ZBTB10: variants seen among roughly 807,000 people sequenced by gnomAD.
ZBTB10 encodes zinc finger and BTB domain containing 10.
A neutral mutation model predicts 76.4 loss-of-function variants in ZBTB10; 32 were observed. That is an observed-to-expected ratio of 0.42 (90% CI 0.32 to 0.56). The LOEUF is 0.56. Among genes scored for constraint, ZBTB10 ranks in the 20% least tolerant of loss-of-function variants. The pLI, the probability that ZBTB10 is intolerant of heterozygous loss-of-function variation, is 0.14. For synonymous variants in ZBTB10, 523 were observed against 432.9 expected (o/e 1.21, Z -2.58); for missense variants, 1,057 against 1,098.5 (o/e 0.96, Z 0.53).
At chr8:80,502,817 C>T (rs1447689651) in intron 2 of ZBTB10, among the ~76,000 whole-genome samples, 3 of 151,990 alleles carry the variant, frequency 2.0e-5, no homozygotes, top group Non-Finnish European at 2.9e-5. Context: ...TGAAAGCAGT[C>T]ATTTGTACTA....
intron 2 of ZBTB10, among the ~76,000 whole-genome samples, chr8:80,510,436 A>T (rs1454614014): frequency 6.6e-6 from 1 of 152,218 alleles, no homozygotes; most frequent in Admixed American, 6.5e-5. Flanking sequence ...ACTCATTGAT[A>T]AAAAGTTGAA....
chr8:80,513,872 G>T (rs1372466504), intron 2 of ZBTB10, 38 bp from the exon 3 acceptor site: 1 of 1,558,490 alleles, frequency 6.4e-7, no homozygotes, highest in South Asian at 1.1e-5. Context: ...TGGCTATGGT[G>T]TGGTTTGTAG....
At chr8:80,500,569 A>G (rs891925594) in intron 2 of ZBTB10, among the ~76,000 whole-genome samples, 187 bp downstream of exon 2, 1 of 152,156 alleles carries the variant, frequency 6.6e-6, no homozygotes, top group South Asian at 2.1e-4. Context: ...TTTTCAACAC[A>G]TATATATGTG....
chr8:80,506,265 A>G lies in ZBTB10; in HGVS notation c.1861+5883A>G, dbSNP rs533120312. On this transcript the variant is annotated intron_variant, in intron 2 of 5. Transcript: ENST00000455036. ...CATTTTGGCAACAAATCAGCTATTTATATTTTTTTACTTCCTTAAATGTGA... is the reference window on the plus strand; with the variant it reads ...CATTTTGGCAACAAATCAGCTATTTGTATTTTTTTACTTCCTTAAATGTGA... 2.0e-5 allele frequency among the ~76,000 whole-genome samples: 3 copies of G among 152,048 alleles called. No individual in the cohort carries two copies. The East Asian group carries it at 5.8e-4, about 29-fold the overall frequency.
At chr8:80,494,134 C>T (rs1160557489) in intron 1 of ZBTB10, among the ~76,000 whole-genome samples, 1 of 152,114 alleles carries the variant, frequency 6.6e-6, no homozygotes, top group Non-Finnish European at 1.5e-5. Context: ...TCAGTATATT[C>T]CAGTGGGTTG....
At position 80,512,758 on chromosome 8, in the gene ZBTB10, G is replaced by A. The variant is rs749622939; in HGVS notation, c.1862-1152G>A. On this transcript the variant is annotated intron_variant, in intron 2 of 5. Transcript: ENST00000455036. The stretch of plus-strand genomic sequence containing the variant: ...TTCTTAAAAAAGAAAAAAATCAGTC[G>A]TTACCCTATTTCTCACACTTCCCTT... 8.4e-4 allele frequency among the ~76,000 whole-genome samples: 127 copies of A among 152,054 alleles called. 2 individuals carry two copies. The highest frequency in any genetic ancestry group is 2.0e-3 in the Admixed American group (31 of 15,262).
At chr8:80,499,034 C>T (rs111755613) in intron 1 of ZBTB10, among the ~76,000 whole-genome samples, 3,340 of 152,216 alleles carry the variant, frequency 0.022, 123 homozygotes, top group African/African-American at 0.076. Flanking sequence ...TTAAAATTTA[C>T]CTTTTTATTA....
At chr8:80,485,792 G>A (rs1815429127), upstream of ZBTB10, 3 of 1,535,078 alleles carry the variant, frequency 2.0e-6, no homozygotes, top group South Asian at 2.4e-5. Context: ...AAATGACAAG[G>A]CTGGAGCGCA....
Position 80,503,918 on chromosome 8 carries a change from A to G in ZBTB10, c.1861+3536A>G, listed in dbSNP as rs943175961. Among the ~76,000 whole-genome samples, 123 of 152,196 alleles carry G rather than the reference A, an allele frequency of 8.1e-4. 2 individuals are homozygous for G. Among genetic ancestry groups the G allele is most frequent in the Non-Finnish European group, 1.9e-4 (13 of 68,034 alleles). ...TTAAAGAGTCCTGTTTTTGTAGGCT[A>G]TGTGCTCTTCTGCCCATCTTGTGAT... On this transcript the variant is annotated intron_variant, in intron 2 of 5. Coordinates refer to ENST00000455036, the MANE Select transcript of ZBTB10 (RefSeq NM_001105539.3).
chr8:80,492,463 A>C (rs1815655530), intron 1 of ZBTB10, among the ~76,000 whole-genome samples: 1 of 152,114 alleles, frequency 6.6e-6, no homozygotes, highest in African/African-American at 2.4e-5. Context: ...GTAGCAGTAT[A>C]TAATCAGGGT....
intron 1 of ZBTB10, among the ~76,000 whole-genome samples, chr8:80,493,204 C>CGT (rs1554551250): frequency 2.5e-4 from 29 of 115,848 alleles, no homozygotes; most frequent in African/African-American, 9.5e-4. Flanking sequence ...CGCGCGCGCG[C>CGT]GCGCACACAC....
chr8:80,513,244 C>T (rs909909941), intron 2 of ZBTB10, among the ~76,000 whole-genome samples: 1 of 152,060 alleles, frequency 6.6e-6, no homozygotes, highest in African/African-American at 2.4e-5. Context: ...CGGACTCAGG[C>T]GGATCCTCCC....
intron 2 of ZBTB10, among the ~76,000 whole-genome samples, chr8:80,511,819 G>A (rs554082956): frequency 6.6e-6 from 1 of 152,206 alleles, no homozygotes; most frequent in East Asian, 1.9e-4. Context: ...AAGTTGCAAA[G>A]GGCAAGACTA....
At position 80,518,770 on chromosome 8, in the gene ZBTB10, T is replaced by A. The variant is rs749830688; in HGVS notation, c.2138-12T>A. 2 of 1,592,874 alleles carry A rather than the reference T, an allele frequency of 1.3e-6. No homozygotes were observed. Among genetic ancestry groups the A allele is most frequent in the South Asian group, 1.2e-5 (1 of 86,524 alleles). Reference sequence around the variant, plus strand: ...GTGTAATAAGCACTTTCTCTTTTTTTAATTCTCATAGGTGAATCATCTCTA... The same window carrying A: ...GTGTAATAAGCACTTTCTCTTTTTTAAATTCTCATAGGTGAATCATCTCTA... On this transcript the variant is annotated splice_polypyrimidine_tract_variant and intron_variant, in intron 4 of 5. Coordinates refer to ENST00000455036, the MANE Select transcript of ZBTB10 (RefSeq NM_001105539.3).
Position 80,514,880 on chromosome 8 carries a change from G to A in ZBTB10, c.1960+872G>A, listed in dbSNP as rs534309070. Among the ~76,000 whole-genome samples, 6 of 152,320 alleles carry A rather than the reference G, an allele frequency of 3.9e-5. No individual in the cohort carries two copies. In the South Asian group the frequency reaches 1.2e-3, roughly 32 times the overall value. ...GTATTCTTGAGAAACTGTTTAGCTT[G>A]TATCTAATGACAAAGGAAAACCCAG... On this transcript the variant is annotated intron_variant, in intron 3 of 5. Transcript: ENST00000455036.
In ZBTB10 at chr8:80,500,829, A is replaced by G. The variant is rs185398672; in HGVS notation, c.1861+447A>G. On this transcript the variant is annotated intron_variant, in intron 2 of 5. Transcript: ENST00000455036. ...TTTAAGTGTTTCAAAGAATTTTGCC[A>G]ATTATGAGATTATGGTATTCTAGTT... Among the ~76,000 whole-genome samples, 44 of 152,276 alleles carry G rather than the reference A, an allele frequency of 2.9e-4. 3 individuals carry two copies. The East Asian group carries it at 5.4e-3, about 19-fold the overall frequency.
intron 2 of ZBTB10, among the ~76,000 whole-genome samples, chr8:80,507,570 C>T (rs1352151474): frequency 9.2e-5 from 14 of 151,604 alleles, no homozygotes; most frequent in African/African-American, 2.7e-4. Flanking sequence ...GCTGAGATCG[C>T]GCCACTGCAC....
At position 80,525,959 on chromosome 8, in the gene ZBTB10, A is replaced by G. The variant is rs908871862; in HGVS notation, c.*6431A>G. The G allele has an allele frequency of 1.3e-5, 2 of 152,194 alleles. No homozygotes were observed. Among genetic ancestry groups the G allele is most frequent in the African/African-American group, 4.8e-5 (2 of 41,452 alleles). 9.4% of individuals were successfully genotyped at this position (152,194 alleles called of 1,614,324 possible). A position where few individuals can be genotyped will look rare whatever the true frequency, so the allele number is the denominator to read the frequency against. On this transcript the variant is annotated 3_prime_UTR_variant, in exon 6 of 6. Transcript: ENST00000455036. Reference sequence around the variant, plus strand: ...AGCCTTTGGGATCCTTTCCCTGGATACATAACCCTAGTAGATAATGTTACT... The same window carrying G: ...AGCCTTTGGGATCCTTTCCCTGGATGCATAACCCTAGTAGATAATGTTACT...
intron 2 of ZBTB10, among the ~76,000 whole-genome samples, chr8:80,501,594 A>G (rs1815925228): frequency 6.6e-6 from 1 of 152,206 alleles, no homozygotes; most frequent in South Asian, 2.1e-4. Flanking sequence ...CCAGAGGGCA[A>G]AATGCCATAG....
Sources: allele counts gnomAD v4.1 joint callset (sites outside exome capture counted in the v4.1 genomes callset), GRCh38; gene constraint gnomAD v4.1.1; transcripts MANE v1.5; gene names NCBI Gene and HGNC (gene_info 2026-07-23, HGNC 2026-07-21).